The following RIT2 variants were observed in gnomAD, a reference collection of about 807,000 sequenced individuals.
RIT2 encodes the protein Ras like without CAAX 2.
In RIT2, 24 loss-of-function variants were observed where a neutral mutation model predicts 23.7. The observed-to-expected ratio is 1.01, with a 90% confidence interval of 0.73 to 1.43. The LOEUF is 1.43. Ranked by LOEUF, RIT2 falls within the 40% of genes most tolerant of loss-of-function variation. RIT2 has a pLI of 0.00. For synonymous variants in RIT2, 107 were observed against 91.1 expected (o/e 1.17, Z -0.99); for missense variants, 236 against 266.9 (o/e 0.88, Z 0.81).
intron 1 of RIT2, among the ~76,000 whole-genome samples, chr18:43,089,346 A>T (rs113294766): frequency 0.018 from 2,687 of 152,152 alleles, 85 homozygotes; most frequent in African/African-American, 0.06. Context: ...AAAGAATAAA[A>T]TACCTAGGAA....
At chr18:42,887,447 A>G (rs993521137) in intron 4 of RIT2, among the ~76,000 whole-genome samples, 1 of 152,178 alleles carries the variant, frequency 6.6e-6, no homozygotes, top group African/African-American at 2.4e-5. Flanking sequence ...GGCTTAGGTA[A>G]TGTATCACTC....
chr18:42,868,747 G>T (rs562224950), intron 4 of RIT2, among the ~76,000 whole-genome samples: 195 of 152,254 alleles, frequency 1.3e-3, no homozygotes, highest in Non-Finnish European at 2.2e-3. Context: ...AGATGATCAG[G>T]CACAAGAATG....
intron 4 of RIT2, among the ~76,000 whole-genome samples, chr18:42,893,442 G>A (rs938083254): frequency 2.0e-5 from 3 of 152,094 alleles, no homozygotes; most frequent in African/African-American, 7.2e-5. Flanking sequence ...AAAGGCAGAA[G>A]GGGTGAACAG....
chr18:42,939,828 A>T (rs1318123757), intron 3 of RIT2, among the ~76,000 whole-genome samples: 1 of 152,102 alleles, frequency 6.6e-6, no homozygotes, highest in African/African-American at 2.4e-5. Flanking sequence ...TAATACAAAA[A>T]ACAAAATAAA....
In RIT2 at chr18:42,943,204, C is replaced by G. The variant is rs1463567367; in HGVS notation, c.235-19441G>C. Among the ~76,000 whole-genome samples, 3 of 151,910 alleles carry G rather than the reference C, an allele frequency of 2.0e-5. No individual in the cohort carries two copies. The East Asian group carries it at 5.8e-4, about 29-fold the overall frequency. On this transcript the variant is annotated intron_variant, in intron 3 of 4. Transcript: ENST00000326695. ...CTGTCCTATCAGAATGCCCTTTTTT[C>G]AATCTTCCCTGCGATTGGCTATTTT...
At chr18:42,872,902 TCA>T (rs1176948804) in intron 4 of RIT2, among the ~76,000 whole-genome samples, 4 of 152,176 alleles carry the variant, frequency 2.6e-5, no homozygotes, top group Non-Finnish European at 5.9e-5. Flanking sequence ...ATTTGGAACA[TCA>T]CACAATCCAA....
At chr18:42,803,094 T>C (rs907331869) in intron 4 of RIT2, among the ~76,000 whole-genome samples, 5 of 152,218 alleles carry the variant, frequency 3.3e-5, no homozygotes, top group African/African-American at 1.2e-4. Context: ...TTTAATTAAA[T>C]ATTCATTAAC....
At chr18:43,095,536 C>A (rs377621753) in intron 1 of RIT2, among the ~76,000 whole-genome samples, 2 of 151,852 alleles carry the variant, frequency 1.3e-5, no homozygotes, top group African/African-American at 4.8e-5. Flanking sequence ...AAAACATAGA[C>A]AAGTACACAA....
intron 2 of RIT2, among the ~76,000 whole-genome samples, chr18:43,029,733 G>T (rs1167913152): frequency 6.6e-6 from 1 of 151,896 alleles, no homozygotes; most frequent in Non-Finnish European, 1.5e-5. Flanking sequence ...ATTTGTTAAG[G>T]AAATAATATT....
At chr18:42,999,217 T>C (rs937037348) in intron 2 of RIT2, among the ~76,000 whole-genome samples, 2 of 152,094 alleles carry the variant, frequency 1.3e-5, no homozygotes, top group African/African-American at 4.8e-5. Flanking sequence ...GCTTATGCTA[T>C]GATTTTTTCA....
intron 1 of RIT2, among the ~76,000 whole-genome samples, chr18:43,056,991 G>A (rs759317198): frequency 2.0e-4 from 29 of 141,852 alleles, no homozygotes; most frequent in Non-Finnish European, 3.4e-4. Flanking sequence ...TGGAAAAAAT[G>A]AAATTCCTTG....
chr18:42,772,444 AC>A (rs1375691831), intron 4 of RIT2, among the ~76,000 whole-genome samples: 3 of 151,662 alleles, frequency 2.0e-5, no homozygotes, highest in Non-Finnish European at 4.4e-5. Context: ...CAACCCTCCA[AC>A]CTTTTGTTCT....
intron 1 of RIT2, among the ~76,000 whole-genome samples, chr18:43,091,468 G>T (rs1734739481): frequency 6.6e-6 from 1 of 152,070 alleles, no homozygotes; most frequent in African/African-American, 2.4e-5. Context: ...ATATTAAAAT[G>T]CTGAATAATG....
At chr18:43,063,713 T>G (rs1223406486) in intron 1 of RIT2, among the ~76,000 whole-genome samples, 3 of 152,142 alleles carry the variant, frequency 2.0e-5, no homozygotes, top group Non-Finnish European at 2.9e-5. Context: ...GCTTAGAAGA[T>G]TCACAAAAAT....
intron 2 of RIT2, among the ~76,000 whole-genome samples, chr18:43,027,394 A>C (rs1000465046): frequency 2.0e-5 from 3 of 152,098 alleles, no homozygotes; most frequent in Non-Finnish European, 4.4e-5. Flanking sequence ...TCACAAAAAG[A>C]AAATATTGTT....
chr18:42,856,580 T>C (rs958226793), intron 4 of RIT2, among the ~76,000 whole-genome samples: 8 of 152,218 alleles, frequency 5.3e-5, no homozygotes, highest in African/African-American at 1.9e-4. Context: ...AGGGGAACTA[T>C]GACCCCTATA....
At chr18:43,057,846 T>G (rs891259813) in intron 1 of RIT2, among the ~76,000 whole-genome samples, 1 of 143,338 alleles carries the variant, frequency 7.0e-6, no homozygotes, top group Admixed American at 7.3e-5. Flanking sequence ...ATGTAGCAAA[T>G]GGCTTGGGCC....
At chr18:42,784,873 T>C (rs933360858) in intron 4 of RIT2, among the ~76,000 whole-genome samples, 1 of 152,066 alleles carries the variant, frequency 6.6e-6, no homozygotes, top group Non-Finnish European at 1.5e-5. Context: ...CTCTTCTCTG[T>C]CATTTCCTTG....
At chr18:42,749,109 A>G (rs1912985245) in intron 4 of RIT2, among the ~76,000 whole-genome samples, 1 of 151,926 alleles carries the variant, frequency 6.6e-6, no homozygotes, top group African/African-American at 2.4e-5. Context: ...ATCTCAAAAC[A>G]TTGCAAAGAA....
Sources: gnomAD v4.1 joint callset for allele counts (sites outside exome capture counted in the v4.1 genomes callset) on GRCh38, gnomAD v4.1.1 for gene constraint, MANE v1.5 for transcripts, NCBI Gene and HGNC (gene_info 2026-07-23, HGNC 2026-07-21) for gene names.